The following HLCS variants were observed in gnomAD, a reference collection of about 807,000 sequenced individuals.
The protein encoded by HLCS is biotin--protein ligase.
In HLCS, 53 loss-of-function variants were observed where a neutral mutation model predicts 75.0. The observed-to-expected ratio is 0.71, with a 90% CI of 0.57 to 0.89. The LOEUF (loss-of-function observed/expected upper bound fraction) is 0.89. HLCS is among the 40% of genes least tolerant of loss of function. The probability of loss-of-function intolerance (pLI) is 0.00; values close to 1 mark genes in which losing one functional copy is unlikely to be tolerated. For missense variants in HLCS, 966 were observed against 1,074.0 expected (o/e 0.90, Z 1.41); for synonymous variants, 431 against 428.6 (o/e 1.01, Z -0.07).
intron 6 of HLCS, among the ~76,000 whole-genome samples, chr21:36,838,642 T>G (rs1440821682): frequency 6.6e-6 from 1 of 150,474 alleles, no homozygotes; most frequent in East Asian, 2.0e-4. Flanking sequence ...AGGCAGAGCT[T>G]GCAGTGAGCC....
chr21:36,889,423 TC>T (rs1190943305), intron 6 of HLCS, among the ~76,000 whole-genome samples: 1 of 152,094 alleles, frequency 6.6e-6, no homozygotes, highest in Non-Finnish European at 1.5e-5. Context: ...AAAAGATGAT[TC>T]CAAAAATAGC....
rs181325364 is a variant in HLCS at position 36,756,205 on chromosome 21, A to G, written c.2450+337T>C. 1.4e-3 allele frequency among the ~76,000 whole-genome samples: 216 copies of G among 152,114 alleles called. 1 individual carries two copies. Among genetic ancestry groups the G allele is most frequent in the South Asian group, 3.9e-3 (19 of 4,820 alleles). ...TGTAATCCCAGCACTTTGGGAGGCC[A>G]AGGCGGGCAGATCACAAGGTCAGGA... On this transcript the variant is annotated intron_variant, in intron 10 of 10. Transcript: ENST00000674895.
chr21:36,870,015 G>A (rs2063716064), intron 6 of HLCS, among the ~76,000 whole-genome samples: 1 of 152,174 alleles, frequency 6.6e-6, no homozygotes, highest in Non-Finnish European at 1.5e-5. Flanking sequence ...TAGCACCTTT[G>A]AATTGCAAAG....
At chr21:36,975,067 C>T (rs760614136) in intron 1 of HLCS, 3 of 152,160 alleles carry the variant, frequency 2.0e-5, no homozygotes, top group African/African-American at 4.8e-5. Context: ...CTCCCAGGCT[C>T]TGGCGCCGCA....
rs147273535 is a variant in HLCS, at chr21:36,759,751, C to T, written c.2212G>A (p.Gly738Arg). ...GGVLVNSTLMGETFYILIGCG... is the reference protein window; with the variant it reads ...GGVLVNSTLMRETFYILIGCG... Reference sequence around the variant, plus strand: ...CCAATAAGTATATAAAATGTTTCTCCCATGAGTGTTGAGTTAACCAGAACT... The same window carrying T: ...CCAATAAGTATATAAAATGTTTCTCTCATGAGTGTTGAGTTAACCAGAACT... The change falls in exon 9 of 11, where the codon GGA becomes AGA. Residue 738 changes from glycine (G) to arginine (R), a missense_variant. Physicochemically the swap from Gly to Arg is moderately radical, Grantham distance 125. Coordinates refer to ENST00000674895, the MANE Select transcript of HLCS (RefSeq NM_001352514.2). 2.5e-6 allele frequency: 4 copies of T among 1,605,622 alleles called. No homozygotes were observed. In the African/African-American group the frequency reaches 5.4e-5, roughly 21 times the overall value.
chr21:36,779,969 C>T (rs902975725), intron 6 of HLCS, among the ~76,000 whole-genome samples: 4 of 152,162 alleles, frequency 2.6e-5, no homozygotes, highest in African/African-American at 7.2e-5. Context: ...ATCAAAATCT[C>T]ATTCATTTCT....
chr21:36,756,806 A>G, intron 9 of HLCS, 51 bp from the exon 10 acceptor site: 1 of 1,612,468 alleles, frequency 6.2e-7, no homozygotes, highest in African/African-American at 1.3e-5. Context: ...GGCATCACAC[A>G]TTCCTCTCTG....
At chr21:36,978,943 G>A (rs1258678263) in intron 1 of HLCS, among the ~76,000 whole-genome samples, 1 of 151,398 alleles carries the variant, frequency 6.6e-6, no homozygotes, top group Admixed American at 6.6e-5. Context: ...TGAGACTTCC[G>A]TACTCAGGGA....
chr21:36,751,445 CCT>C lies in HLCS; in HGVS notation c.*2799_*2800del, dbSNP rs2089361128. On this transcript the variant is annotated 3_prime_UTR_variant, in exon 11 of 11. Transcript: ENST00000674895. ...CTGAAGCAGTGCGGGGAGGCTGGCT[CCT>C]CTCTTTGTTCCCAGACTCCAGGGCA... is the stretch of plus-strand genomic sequence containing the variant. 6.6e-6 allele frequency: 1 copy of C among 152,344 alleles called. No homozygotes were observed. The highest frequency in any genetic ancestry group is 2.1e-4 in the South Asian group (1 of 4,836). 9.4% of individuals were successfully genotyped at this position (152,344 alleles called of 1,614,324 possible).
chr21:36,800,987 A>G (rs2061180996), intron 6 of HLCS, among the ~76,000 whole-genome samples: 1 of 152,176 alleles, frequency 6.6e-6, no homozygotes. Context: ...CAAAGCATCC[A>G]TGGCTGTGAT....
intron 2 of HLCS, among the ~76,000 whole-genome samples, chr21:36,948,823 G>C (rs1056764983): frequency 4.7e-5 from 7 of 148,212 alleles, no homozygotes; most frequent in African/African-American, 1.7e-4. Flanking sequence ...TTATCACAAA[G>C]TCACTGCAAG....
rs2089293846 is a variant in HLCS, at chr21:36,749,352, A to C, written c.*4894T>G. 6.6e-6 allele frequency: 1 copy of C among 152,286 alleles called. No individual in the cohort carries two copies. The highest frequency in any genetic ancestry group is 2.4e-5 in the African/African-American group (1 of 41,404). The allele number at this position is 152,286 out of a possible 1,614,324, so 9.4% of individuals were successfully genotyped here. The stretch of plus-strand genomic sequence containing the variant: ...TGGTTTATTTTAGGAAACTTTTTCC[A>C]CCTTTCTGAATGGAAAGAGGTTTTC... On this transcript the variant is annotated 3_prime_UTR_variant, in exon 11 of 11. Transcript: ENST00000674895.
chr21:36,807,331 G>A lies in HLCS; in HGVS notation c.1893-40046C>T, dbSNP rs186374090. 3.7e-3 allele frequency among the ~76,000 whole-genome samples: 567 copies of A among 152,100 alleles called. 4 individuals are homozygous for A. The highest frequency in any genetic ancestry group is 0.01 in the Middle Eastern group (3 of 294). On this transcript the variant is annotated intron_variant, in intron 6 of 10. Coordinates refer to ENST00000674895, the MANE Select transcript of HLCS (RefSeq NM_001352514.2). Reference sequence around the variant, plus strand: ...AGCCTCCTGAAATGATAGAAGCTACGGAGGGAGGCCACATGCTAGGCCACA... The same window carrying A: ...AGCCTCCTGAAATGATAGAAGCTACAGAGGGAGGCCACATGCTAGGCCACA...
intron 1 of HLCS, among the ~76,000 whole-genome samples, chr21:36,979,203 C>T (rs2069033224): frequency 1.3e-5 from 2 of 149,822 alleles, no homozygotes; most frequent in South Asian, 2.1e-4. Context: ...ACCCAGGAGG[C>T]GGAGCTTGCA....
chr21:36,917,339 T>C (rs1464130592), intron 5 of HLCS, among the ~76,000 whole-genome samples: 3 of 152,208 alleles, frequency 2.0e-5, no homozygotes, highest in Non-Finnish European at 4.4e-5. Flanking sequence ...TGAACCATTC[T>C]GAGGCAAGAA....
At chr21:36,873,983 C>G (rs1029941209) in intron 6 of HLCS, among the ~76,000 whole-genome samples, 2 of 152,104 alleles carry the variant, frequency 1.3e-5, no homozygotes, top group Admixed American at 1.3e-4. Flanking sequence ...TCTTCTTAGT[C>G]GCAAGTCATG....
rs1490758495 is a variant in HLCS, at chr21:36,791,808, T to C, written c.1893-24523A>G. ...TGGACACACAAGGATTAAGTTTCCA[T>C]GGCTCCAAAACCCTTGCAGCCTCCC... On this transcript the variant is annotated intron_variant, in intron 6 of 10. Transcript: ENST00000674895. Among the ~76,000 whole-genome samples the C allele has an allele frequency of 2.0e-5, 3 of 152,066 alleles. No individual in the cohort carries two copies. The East Asian group carries it at 5.8e-4, about 29-fold the overall frequency.
At chr21:36,845,131 ATTC>A (rs955278290) in intron 6 of HLCS, among the ~76,000 whole-genome samples, 1 of 152,002 alleles carries the variant, frequency 6.6e-6, no homozygotes, top group Non-Finnish European at 1.5e-5. Context: ...TTTGATTGTT[ATTC>A]TTCTTAAATG....
chr21:36,780,857 C>T (rs184674737), intron 6 of HLCS, among the ~76,000 whole-genome samples: 86 of 152,084 alleles, frequency 5.7e-4, no homozygotes, highest in African/African-American at 1.9e-3. Context: ...CAGTCAATGA[C>T]CAGTTAATGT....
Sources: allele counts gnomAD v4.1 joint callset (sites outside exome capture counted in the v4.1 genomes callset), GRCh38; gene constraint gnomAD v4.1.1; transcripts MANE v1.5; gene names NCBI Gene and HGNC (gene_info 2026-07-23, HGNC 2026-07-21).